VGLL4: variants seen among roughly 807,000 people sequenced by gnomAD.
VGLL4 encodes the protein transcription cofactor vestigial-like protein 4.
VGLL4 carries 7 observed loss-of-function variants against 21.0 expected under a neutral mutation model. That is an observed-to-expected ratio of 0.33 (90% CI 0.19 to 0.63). The LOEUF is 0.63. VGLL4 is among the 20% of genes least tolerant of loss of function. VGLL4 has a pLI of 0.78. For missense variants in VGLL4, 394 were observed against 425.7 expected, an observed-to-expected ratio of 0.93 and a Z score of 0.66; for synonymous variants, 222 against 173.2, an observed-to-expected ratio of 1.28 and a Z score of -2.21.
chr3:11,602,196 G>A (rs1452320049), intron 1 of VGLL4, among the ~76,000 whole-genome samples, 174 bp from the exon 2 acceptor site: 1 of 152,176 alleles, frequency 6.6e-6, no homozygotes, highest in Non-Finnish European at 1.5e-5. Context: ...GTGGTTAGCT[G>A]CCAACCATGA....
chr3:11,613,919 G>A (rs1575454305), intron 1 of VGLL4, among the ~76,000 whole-genome samples: 1 of 152,198 alleles, frequency 6.6e-6, no homozygotes, highest in Non-Finnish European at 1.5e-5. Flanking sequence ...GCCGATGGAA[G>A]GGGTCAGGAG....
rs2076942894 is a variant in VGLL4, at chr3:11,718,082, T to A, written c.-14+2312A>T. On this transcript the variant is annotated intron_variant, in intron 1 of 5. Coordinates refer to the VGLL4 transcript ENST00000273038. ...TAATTGTATTGTGTTTTGGTCAACA[T>A]AAAAATTAGTTTGCATTCACTTCCA... 2.6e-5 allele frequency among the ~76,000 whole-genome samples: 4 copies of A among 152,176 alleles called. No homozygotes were observed. The South Asian group carries it at 8.3e-4, about 32-fold the overall frequency.
intron 2 of VGLL4, chr3:11,702,913 C>T: frequency 6.7e-7 from 1 of 1,493,374 alleles, no homozygotes; most frequent in Non-Finnish European, 9.1e-7. Flanking sequence ...TGTTATGGAG[C>T]AGAAGACAAG....
chr3:11,566,696 G>A (rs557243662), intron 2 of VGLL4, among the ~76,000 whole-genome samples: 11 of 152,118 alleles, frequency 7.2e-5, no homozygotes, highest in Non-Finnish European at 1.5e-4. Flanking sequence ...TCCCCGTCCT[G>A]CGCTGCCAAC....
At chr3:11,666,362 A>T (rs1387803436) in intron 2 of VGLL4, among the ~76,000 whole-genome samples, 1 of 152,132 alleles carries the variant, frequency 6.6e-6, no homozygotes, top group Non-Finnish European at 1.5e-5. Context: ...CACAGTTCTT[A>T]TCTCTGCATG....
chr3:11,567,990 C>G (rs2073613048), intron 2 of VGLL4, among the ~76,000 whole-genome samples: 1 of 152,210 alleles, frequency 6.6e-6, no homozygotes, highest in Non-Finnish European at 1.5e-5. Flanking sequence ...TCTGTTTACT[C>G]AACCAGCGCT....
intron 1 of VGLL4, among the ~76,000 whole-genome samples, chr3:11,620,638 C>T (rs2075249214): frequency 6.6e-6 from 1 of 152,186 alleles, no homozygotes; most frequent in Non-Finnish European, 1.5e-5. Context: ...AGAGCTGGGA[C>T]TTACTTCGCG....
chr3:11,684,909 G>A (rs1328860533), intron 2 of VGLL4, among the ~76,000 whole-genome samples: 4 of 152,052 alleles, frequency 2.6e-5, no homozygotes, highest in East Asian at 3.9e-4. Flanking sequence ...AGGGTTTGTA[G>A]TACAGATTAT....
At chr3:11,678,671 C>A (rs1042585132) in intron 2 of VGLL4, among the ~76,000 whole-genome samples, 16 of 152,120 alleles carry the variant, frequency 1.1e-4, no homozygotes, top group African/African-American at 3.9e-4. Flanking sequence ...ACAGCCTGGG[C>A]AACAGAGTGA....
rs369124498 is a variant in VGLL4 at position 11,696,407 on chromosome 3, T to C, written c.64+6564A>G. ...GTGCTCTGGGGCATGCCTGCCCCTT[T>C]GCTGTACCATGCCTCAATCGAGTCC... On this transcript the variant is annotated intron_variant, in intron 2 of 5. Coordinates refer to the VGLL4 transcript ENST00000273038. 4.2e-4 allele frequency among the ~76,000 whole-genome samples: 64 copies of C among 152,330 alleles called. 1 individual carries two copies. The Middle Eastern group carries it at 0.02, about 49-fold the overall frequency.
chr3:11,668,124 G>A (rs1321905786), intron 2 of VGLL4, among the ~76,000 whole-genome samples: 2 of 151,550 alleles, frequency 1.3e-5, no homozygotes, highest in African/African-American at 2.4e-5. Context: ...CAAAGTGCTG[G>A]GATTACAGAT....
At chr3:11,652,306 TAAAAC>T (rs1269947271) in intron 2 of VGLL4, among the ~76,000 whole-genome samples, 1 of 152,236 alleles carries the variant, frequency 6.6e-6, no homozygotes, top group African/African-American at 2.4e-5. Context: ...CTGCAAAAGT[TAAAAC>T]AAAATACAAA....
chr3:11,558,276 G>A lies in VGLL4; in HGVS notation c.*280C>T. 2 of 530,538 alleles carry A rather than the reference G, an allele frequency of 3.8e-6. No homozygotes were observed. Among genetic ancestry groups the A allele is most frequent in the Non-Finnish European group, 6.6e-6 (2 of 303,726 alleles). The allele number at this position is 530,538 out of a possible 1,614,324, so 32.9% of individuals were successfully genotyped here. On this transcript the variant is annotated 3_prime_UTR_variant, in exon 5 of 5. Transcript: ENST00000430365. ...CTGGCCCCGTCGGGGCAGCAGACCT[G>A]CATCAGAGGTTTCTTTGGTAACTGA...
intron 1 of VGLL4, among the ~76,000 whole-genome samples, chr3:11,632,402 A>G (rs1418131651): frequency 3.9e-5 from 6 of 152,196 alleles, no homozygotes; most frequent in South Asian, 2.1e-4. Context: ...GAACCATTTC[A>G]TCTTTCTTTT....
intron 1 of VGLL4, among the ~76,000 whole-genome samples, chr3:11,608,110 G>T (rs892919364): frequency 6.6e-6 from 1 of 152,130 alleles, no homozygotes; most frequent in Non-Finnish European, 1.5e-5. Flanking sequence ...CAATGGTCTG[G>T]CAATTGAAAA....
intron 1 of VGLL4, among the ~76,000 whole-genome samples, chr3:11,628,939 G>A (rs1433297376): frequency 6.6e-6 from 1 of 152,224 alleles, no homozygotes; most frequent in African/African-American, 2.4e-5. Flanking sequence ...TGATTAGCAT[G>A]CAGTAAAATA....
At chr3:11,651,498 C>T (rs1031631781) in intron 2 of VGLL4, among the ~76,000 whole-genome samples, 6 of 151,392 alleles carry the variant, frequency 4.0e-5, no homozygotes, top group Admixed American at 2.6e-4. Context: ...ACCAACCCCC[C>T]GCCCCCACCA....
At chr3:11,627,813 C>T (rs1179318487) in intron 1 of VGLL4, among the ~76,000 whole-genome samples, 1 of 152,030 alleles carries the variant, frequency 6.6e-6, no homozygotes, top group African/African-American at 2.4e-5. Context: ...AACAGAAATT[C>T]AAAAGAGGAT....
intron 2 of VGLL4, among the ~76,000 whole-genome samples, chr3:11,579,822 T>A (rs146326117): frequency 1.3e-5 from 2 of 152,252 alleles, no homozygotes; most frequent in East Asian, 1.9e-4. Context: ...CCACCCCCGG[T>A]GGTCATCACG....
Sources: allele counts gnomAD v4.1 joint callset (sites outside exome capture counted in the v4.1 genomes callset), GRCh38; gene constraint gnomAD v4.1.1; transcripts MANE v1.5; gene names NCBI Gene and HGNC (gene_info 2026-07-23, HGNC 2026-07-21).